CDH13: variants seen among roughly 807,000 people sequenced by gnomAD.
The protein encoded by CDH13 is cadherin-13.
CDH13 carries 24 observed loss-of-function variants against 63.8 expected under a neutral mutation model. The observed-to-expected ratio is 0.38, with a 90% CI of 0.27 to 0.53. The LOEUF is 0.53. CDH13 is among the 20% of genes least tolerant of loss of function. CDH13 has a pLI of 0.85. For synonymous variants in CDH13, 503 were observed against 355.3 expected, an observed-to-expected ratio of 1.42 and a Z score of -4.67; for missense variants, 1,049 against 903.1, an observed-to-expected ratio of 1.16 and a Z score of -2.07.
At chr16:83,548,372 G>C (rs1476917820) in intron 7 of CDH13, among the ~76,000 whole-genome samples, 4 of 152,120 alleles carry the variant, frequency 2.6e-5, no homozygotes, top group Admixed American at 6.5e-5. Context: ...GCATTTCATA[G>C]GTAAAAACTA....
chr16:82,792,328 G>A (rs1368052910), intron 1 of CDH13, among the ~76,000 whole-genome samples: 1 of 152,064 alleles, frequency 6.6e-6, no homozygotes, highest in Non-Finnish European at 1.5e-5. Flanking sequence ...GAAAATACAA[G>A]GTAAAAAACA....
intron 2 of CDH13, among the ~76,000 whole-genome samples, chr16:82,973,265 G>T (rs976579539): frequency 1.3e-5 from 2 of 152,206 alleles, no homozygotes; most frequent in African/African-American, 4.8e-5. Flanking sequence ...CAGATGCTCA[G>T]ACGGTCTGCA....
chr16:83,168,988 G>A (rs754307193), intron 4 of CDH13, among the ~76,000 whole-genome samples: 1 of 152,090 alleles, frequency 6.6e-6, no homozygotes. Context: ...GTACACAGAC[G>A]TGGGTCCACA....
chr16:82,888,043 T>G (rs1386635062), intron 2 of CDH13, among the ~76,000 whole-genome samples: 5 of 152,200 alleles, frequency 3.3e-5, no homozygotes, highest in African/African-American at 1.2e-4. Flanking sequence ...GTCAGGTATT[T>G]ACTTGCTCAT....
intron 10 of CDH13, among the ~76,000 whole-genome samples, chr16:83,686,241 A>T (rs1260198690): frequency 6.6e-6 from 1 of 152,210 alleles, no homozygotes; most frequent in African/African-American, 2.4e-5. Flanking sequence ...CAAGCTTCAC[A>T]CTTCCTCAAT....
chr16:82,824,441 G>C (rs999449079), intron 1 of CDH13: 44 of 152,246 alleles, frequency 2.9e-4, no homozygotes, highest in African/African-American at 9.1e-4. Flanking sequence ...AGAATATAAT[G>C]AATTTGCAGT....
At chr16:83,417,957 C>T (rs983365871) in intron 6 of CDH13, among the ~76,000 whole-genome samples, 1 of 151,834 alleles carries the variant, frequency 6.6e-6, no homozygotes, top group Non-Finnish European at 1.5e-5. Context: ...ACCCCCTTAA[C>T]ATGGAAAACT....
chr16:83,279,866 C>T (rs1305017464), intron 5 of CDH13, among the ~76,000 whole-genome samples: 1 of 150,932 alleles, frequency 6.6e-6, no homozygotes, highest in Non-Finnish European at 1.5e-5. Flanking sequence ...TTTTCCAGTA[C>T]ATATAGAAGC....
rs8044287 is a variant in CDH13, at chr16:83,763,423, T to G, written c.1681+15173T>G. On this transcript the variant is annotated intron_variant, in intron 11 of 13. Coordinates refer to ENST00000567109, the MANE Select transcript of CDH13 (RefSeq NM_001257.5). ...GCTTAGATTGATTTTTTTTAAAAAT[T>G]GTTATTCAGCCCCAGAGTGAAATGA... Among the ~76,000 whole-genome samples the G allele has an allele frequency of 1.8e-3, 274 of 152,254 alleles. 1 individual carries two copies. Among genetic ancestry groups the G allele is most frequent in the African/African-American group, 6.2e-3 (257 of 41,552 alleles).
Position 83,783,336 on chromosome 16 carries a change from A to G in CDH13, c.1998A>G (p.Lys666=), listed in dbSNP as rs1170376571. ...NLPIMVTDSG[K]PPMTNITDLR... ...CCATCATGGTGACAGATTCAGGGAAACCACCCATGACGAATATCACAGATC... is the reference window on the plus strand; with the variant it reads ...CCATCATGGTGACAGATTCAGGGAAGCCACCCATGACGAATATCACAGATC... Residue 666 remains lysine (K), a synonymous_variant, in exon 13 of 14, where the codon AAA becomes AAG. Coordinates refer to ENST00000567109, the MANE Select transcript of CDH13 (RefSeq NM_001257.5). The G allele has an allele frequency of 5.0e-6, 8 of 1,613,914 alleles. No individual in the cohort carries two copies. Among genetic ancestry groups the G allele is most frequent in the South Asian group, 1.1e-5 (1 of 91,072 alleles).
intron 4 of CDH13, among the ~76,000 whole-genome samples, chr16:83,172,398 C>T (rs1220070753): frequency 6.6e-6 from 1 of 151,806 alleles, no homozygotes; most frequent in African/African-American, 2.4e-5. Flanking sequence ...GGCTGATACG[C>T]AAGAATTGCT....
At chr16:82,842,145 T>C (rs12921382) in intron 1 of CDH13, among the ~76,000 whole-genome samples, 1,425 of 27,200 alleles carry the variant, frequency 0.052, 55 homozygotes, top group African/African-American at 0.11. Context: ...TATACACATA[T>C]ATATATATAT....
chr16:83,273,418 C>G (rs1337941920), intron 5 of CDH13, among the ~76,000 whole-genome samples: 3 of 152,010 alleles, frequency 2.0e-5, no homozygotes, highest in East Asian at 1.9e-4. Flanking sequence ...ATAGTAGTGT[C>G]TATTAGCTCC....
At chr16:82,737,582 T>C (rs1438966125) in intron 1 of CDH13, among the ~76,000 whole-genome samples, 1 of 152,236 alleles carries the variant, frequency 6.6e-6, no homozygotes, top group Non-Finnish European at 1.5e-5. Context: ...CATATTTCAA[T>C]GCAGAGAAGG....
intron 6 of CDH13, among the ~76,000 whole-genome samples, chr16:83,402,504 A>G (rs1384012547): frequency 6.6e-6 from 1 of 152,236 alleles, no homozygotes; most frequent in Non-Finnish European, 1.5e-5. Context: ...GAAAATTAAC[A>G]TATATTTTGT....
chr16:83,306,452 G>T (rs1431812849), intron 5 of CDH13, among the ~76,000 whole-genome samples: 3 of 152,138 alleles, frequency 2.0e-5, no homozygotes, highest in African/African-American at 7.2e-5. Context: ...CCCCTGAAAG[G>T]AGGCTGTTAT....
chr16:82,876,055 T>A lies in CDH13; in HGVS notation c.157+17582T>A, dbSNP rs551630996. The stretch of plus-strand genomic sequence containing the variant: ...CTCTTTTTAAAATCATCAGCTCTCA[T>A]GAGACTCATTCACTATCACGAGAAC... On this transcript the variant is annotated intron_variant, in intron 2 of 13. Coordinates refer to ENST00000567109, the MANE Select transcript of CDH13 (RefSeq NM_001257.5). Among the ~76,000 whole-genome samples the A allele has an allele frequency of 1.8e-4, 28 of 152,314 alleles. No homozygotes were observed. The South Asian group carries it at 5.8e-3, about 32-fold the overall frequency.
At chr16:83,480,644 C>A (rs2073738183) in intron 6 of CDH13, among the ~76,000 whole-genome samples, 1 of 152,180 alleles carries the variant, frequency 6.6e-6, no homozygotes, top group Non-Finnish European at 1.5e-5. Flanking sequence ...AGAGACGTGT[C>A]TACACCTGAA....
chr16:83,431,853 A>G (rs1483256975), intron 6 of CDH13, among the ~76,000 whole-genome samples: 2 of 152,154 alleles, frequency 1.3e-5, no homozygotes, highest in African/African-American at 2.4e-5. Context: ...ATTACTATTC[A>G]CTGTGAGATT....
Sources: allele counts gnomAD v4.1 joint callset (sites outside exome capture counted in the v4.1 genomes callset), GRCh38; gene constraint gnomAD v4.1.1; transcripts MANE v1.5; gene names NCBI Gene and HGNC (gene_info 2026-07-23, HGNC 2026-07-21).